DLGAP2: variants seen among roughly 807,000 people sequenced by gnomAD.
DLGAP2 encodes DLG associated protein 2, also known as disks large-associated protein 2.
Under a neutral mutation model 100.3 loss-of-function variants are expected in DLGAP2, and 26 were observed. That is an observed-to-expected ratio of 0.26 (90% CI 0.19 to 0.36). The LOEUF (loss-of-function observed/expected upper bound fraction) is 0.36. Ranked by LOEUF, DLGAP2 falls within the 10% of genes least tolerant of loss-of-function variation. The pLI, the probability that DLGAP2 is intolerant of heterozygous loss-of-function variation, is 1.00. For missense variants in DLGAP2, 1,858 were observed against 1,453.2 expected (o/e 1.28, Z -4.53); for synonymous variants, 886 against 630.1 (o/e 1.41, Z -6.08).
rs1267838643 is a variant in DLGAP2, at chr8:931,489, C to T, written c.73+23523C>T. Among the ~76,000 whole-genome samples the T allele has an allele frequency of 2.0e-5, 3 of 152,276 alleles. No homozygotes were observed. The East Asian group carries it at 5.8e-4, about 29-fold the overall frequency. On this transcript the variant is annotated intron_variant, in intron 2 of 14. Transcript: ENST00000637795. ...ACCCTGGGATCTGGGATTCCTGGCC[C>T]TTCTGTTAAGAATCCCAGGTATCTC...
chr8:1,177,737 T>C (rs1404606314), intron 2 of DLGAP2, among the ~76,000 whole-genome samples: 1 of 152,168 alleles, frequency 6.6e-6, no homozygotes, highest in Non-Finnish European at 1.5e-5. Context: ...GCAGGTTCGA[T>C]GTCTGGTGAG....
intron 3 of DLGAP2, among the ~76,000 whole-genome samples, chr8:1,291,022 A>G (rs1205992224): frequency 1.3e-5 from 2 of 152,204 alleles, no homozygotes; most frequent in Non-Finnish European, 2.9e-5. Flanking sequence ...AAGGAGTTCT[A>G]AAGCTTGAAA....
chr8:1,467,770 A>G (rs1011406430), intron 3 of DLGAP2, among the ~76,000 whole-genome samples: 1 of 152,142 alleles, frequency 6.6e-6, no homozygotes, highest in Non-Finnish European at 1.5e-5. Context: ...GGCAGAGACC[A>G]CCGTGGTTCT....
At chr8:1,372,288 C>T (rs545331615) in intron 3 of DLGAP2, among the ~76,000 whole-genome samples, 8 of 151,754 alleles carry the variant, frequency 5.3e-5, no homozygotes, top group African/African-American at 1.7e-4. Flanking sequence ...CGCTGGTCAC[C>T]GTGCTGCCAA....
At chr8:1,359,996 C>T (rs1484613720) in intron 3 of DLGAP2, among the ~76,000 whole-genome samples, 3 of 152,174 alleles carry the variant, frequency 2.0e-5, no homozygotes, top group Admixed American at 6.5e-5. Context: ...TCAGCATCGC[C>T]GGTGTTTCAG....
At chr8:1,593,368 T>G (rs1030045741) in intron 6 of DLGAP2, among the ~76,000 whole-genome samples, 2 of 151,862 alleles carry the variant, frequency 1.3e-5, no homozygotes, top group African/African-American at 2.4e-5. Context: ...GGCAGGAGAA[T>G]CACGTGAACC....
At chr8:791,086 A>G (rs1011314064) in intron 1 of DLGAP2, among the ~76,000 whole-genome samples, 2 of 152,190 alleles carry the variant, frequency 1.3e-5, no homozygotes, top group African/African-American at 4.8e-5. Context: ...TGAAAATTGG[A>G]TTTGTAATTG....
intron 3 of DLGAP2, among the ~76,000 whole-genome samples, chr8:1,267,555 G>A (rs1172199507): frequency 1.3e-5 from 1 of 74,708 alleles, no homozygotes; most frequent in African/African-American, 7.4e-5. Context: ...CAAAATTCCC[G>A]CTCAAAATAA....
intron 1 of DLGAP2, among the ~76,000 whole-genome samples, chr8:740,930 G>C (rs1196613990): frequency 6.6e-6 from 1 of 152,084 alleles, no homozygotes. Context: ...CATCATTTTG[G>C]CCAGATGGGA....
intron 1 of DLGAP2, among the ~76,000 whole-genome samples, chr8:741,228 GACC>G (rs1268063252): frequency 6.6e-6 from 1 of 152,224 alleles, no homozygotes; most frequent in Non-Finnish European, 1.5e-5. Flanking sequence ...CTTTGGCATT[GACC>G]AGGCATGGGG....
At chr8:1,647,463 T>G (rs1798066456) in intron 8 of DLGAP2, among the ~76,000 whole-genome samples, 1 of 111,060 alleles carries the variant, frequency 9.0e-6, no homozygotes, top group African/African-American at 3.4e-5. Context: ...CACTCCAGCC[T>G]GGGAGACAGA....
chr8:1,422,511 C>G (rs150437653), intron 3 of DLGAP2, among the ~76,000 whole-genome samples: 432 of 149,346 alleles, frequency 2.9e-3, no homozygotes, highest in African/African-American at 9.7e-3. Context: ...AAATCTGCGT[C>G]TTGATCCCAT....
intron 3 of DLGAP2, among the ~76,000 whole-genome samples, chr8:1,491,471 A>C (rs1224999214): frequency 6.6e-6 from 1 of 150,916 alleles, no homozygotes; most frequent in Admixed American, 6.6e-5. Flanking sequence ...ATAGCCTGAG[A>C]TTTGAAGGCC....
At chr8:1,681,396 G>A (rs919211107) in intron 12 of DLGAP2, among the ~76,000 whole-genome samples, 5 of 152,250 alleles carry the variant, frequency 3.3e-5, no homozygotes, top group Admixed American at 1.3e-4. Context: ...ACTTTGTGAG[G>A]CTGAGGCGGG....
intron 2 of DLGAP2, among the ~76,000 whole-genome samples, chr8:1,064,942 C>T (rs1382477907): frequency 6.6e-6 from 1 of 152,154 alleles, no homozygotes; most frequent in Non-Finnish European, 1.5e-5. Context: ...ATTGCGGTAT[C>T]ATGAGAGGTG....
rs562815729 is a variant in DLGAP2 at position 1,647,929 on chromosome 8, A to C, written c.1810+14883A>C. 1.4e-3 allele frequency among the ~76,000 whole-genome samples: 218 copies of C among 152,224 alleles called. 1 individual carries two copies. The highest frequency in any genetic ancestry group is 4.9e-3 in the African/African-American group (204 of 41,548). On this transcript the variant is annotated intron_variant, in intron 8 of 14. Transcript: ENST00000637795. ...TGGAAAAAGCGTAAGGAAGTTCCCT[A>C]GGATCCCTTTATAAAGGCACGAATC...
intron 2 of DLGAP2, among the ~76,000 whole-genome samples, chr8:1,102,693 C>T (rs12541746): frequency 0.099 from 15,127 of 152,116 alleles, 854 homozygotes; most frequent in East Asian, 0.22. Context: ...ACTGTGGCCT[C>T]GTGCGTGGGG....
intron 1 of DLGAP2, among the ~76,000 whole-genome samples, chr8:773,617 G>C (rs1182742206): frequency 6.6e-6 from 1 of 150,648 alleles, no homozygotes; most frequent in Non-Finnish European, 1.5e-5. Flanking sequence ...TTGTTCTTGC[G>C]ATAGTTTACT....
intron 3 of DLGAP2, among the ~76,000 whole-genome samples, chr8:1,350,875 G>A (rs1434701405): frequency 2.3e-5 from 2 of 85,836 alleles, no homozygotes; most frequent in Non-Finnish European, 4.8e-5. Context: ...TGGAAAGGCC[G>A]CGCGGGTCCT....
Sources: gnomAD v4.1 joint callset for allele counts (sites outside exome capture counted in the v4.1 genomes callset) on GRCh38, gnomAD v4.1.1 for gene constraint, MANE v1.5 for transcripts, NCBI Gene and HGNC (gene_info 2026-07-23, HGNC 2026-07-21) for gene names.